The following ZNF638 variants were observed in gnomAD, a reference collection of about 807,000 sequenced individuals.
ZNF638 encodes zinc finger protein 638.
ZNF638 carries 46 observed loss-of-function variants against 195.6 expected under a neutral mutation model. The ratio of observed to expected loss-of-function variants is 0.24; its 90% CI spans 0.19 to 0.30. The LOEUF is 0.30. Ranked by LOEUF, ZNF638 falls within the 10% of genes least tolerant of loss-of-function variation. The pLI, the probability that ZNF638 is intolerant of heterozygous loss-of-function variation, is 1.00. For missense variants in ZNF638, 2,440 were observed against 2,325.3 expected (o/e 1.05, Z -1.01); for synonymous variants, 845 against 772.0 (o/e 1.09, Z -1.57).
intron 20 of ZNF638, among the ~76,000 whole-genome samples, chr2:71,409,539 G>T (rs1017445195): frequency 2.6e-5 from 4 of 152,138 alleles, no homozygotes; most frequent in Non-Finnish European, 5.9e-5. Flanking sequence ...CAATATGTGT[G>T]TCCATAACCT....
chr2:71,355,611 C>A, intron 2 of ZNF638, 108 bp from the exon 3 acceptor site: 4 of 804,454 alleles, frequency 5.0e-6, no homozygotes, highest in Non-Finnish European at 7.8e-6. Flanking sequence ...TTTATGAGTA[C>A]GTTTGTTTAA....
At chr2:71,389,420 C>G (rs971447938) in intron 10 of ZNF638, among the ~76,000 whole-genome samples, 1 of 152,154 alleles carries the variant, frequency 6.6e-6, no homozygotes, top group African/African-American at 2.4e-5. Context: ...GAAGCCATAG[C>G]AGACAACTTC....
chr2:71,408,827 T>TA, intron 20 of ZNF638: 1 of 338,816 alleles, frequency 3.0e-6, no homozygotes, highest in Non-Finnish European at 5.9e-6. Context: ...GTCAATCTGT[T>TA]AAAAATCTTG....
At chr2:71,367,011 G>A (rs2079212294) in intron 6 of ZNF638, among the ~76,000 whole-genome samples, 1 of 152,112 alleles carries the variant, frequency 6.6e-6, no homozygotes, top group Non-Finnish European at 1.5e-5. Flanking sequence ...GCTCTCAACA[G>A]TATTTAAATA....
Position 71,369,943 on chromosome 2 carries a change from A to G in ZNF638, c.2203A>G (p.Thr735Ala), listed in dbSNP as rs751190634. The G allele has an allele frequency of 9.4e-6, 15 of 1,600,540 alleles. 1 individual carries two copies. The highest frequency in any genetic ancestry group is 3.3e-4 in the Middle Eastern group (2 of 6,040). The change falls in exon 8 of 28, where the codon ACA (threonine) becomes GCA (alanine). Residue 735 changes from threonine to alanine, a missense_variant. Around this residue, in one of 5 missense-constraint regions of ZNF638, gnomAD observed 1,883 missense variants for 1,739.1 expected, o/e 1.08. Coordinates refer to ENST00000264447, the MANE Select transcript of ZNF638 (RefSeq NM_014497.5). ...TGCAATTATGAAGTACATTGAAACAACACCTCTTACGATAAAAGGAAAAAG... is the reference window on the plus strand; with the variant it reads ...TGCAATTATGAAGTACATTGAAACAGCACCTCTTACGATAAAAGGAAAAAG... ...ITAIMKYIETTPLTIKGKSVK... is the reference protein window; with the variant it reads ...ITAIMKYIETAPLTIKGKSVK...
At chr2:71,417,930 AC>A (rs906909921) in intron 20 of ZNF638, among the ~76,000 whole-genome samples, 3 of 152,200 alleles carry the variant, frequency 2.0e-5, no homozygotes, top group African/African-American at 7.2e-5. Context: ...GAAGACTTCT[AC>A]CCAGAGAGTG....
chr2:71,433,015 A>C, intron 26 of ZNF638, 150 bp from the exon 27 acceptor site: 1 of 671,050 alleles, frequency 1.5e-6, no homozygotes, highest in South Asian at 1.8e-5. Flanking sequence ...TGAACCCAGG[A>C]GGCAGAGGTT....
At chr2:71,368,284 T>C in intron 6 of ZNF638, 98 bp from the exon 7 acceptor site, 2 of 1,160,840 alleles carry the variant, frequency 1.7e-6, no homozygotes, top group South Asian at 1.7e-5. Context: ...CCCTTTAGTG[T>C]ACTAATATTA....
chr2:71,414,086 C>T (rs1168638895), intron 20 of ZNF638, among the ~76,000 whole-genome samples: 27 of 144,358 alleles, frequency 1.9e-4, no homozygotes, highest in African/African-American at 5.9e-4. Context: ...TGGTAGAATT[C>T]GGCTGTGAAT....
chr2:71,401,679 T>TAA (rs1230399601), intron 15 of ZNF638, among the ~76,000 whole-genome samples: 1 of 140,394 alleles, frequency 7.1e-6, no homozygotes, highest in Non-Finnish European at 1.6e-5. Flanking sequence ...AGAGCAAGAC[T>TAA]AAAAAAAAAA....
At chr2:71,396,940 C>CT (rs1333557345) in intron 11 of ZNF638, among the ~76,000 whole-genome samples, 1 of 152,146 alleles carries the variant, frequency 6.6e-6, no homozygotes, top group African/African-American at 2.4e-5. Context: ...GAGTGAGACT[C>CT]TGTCTCAAAT....
At chr2:71,409,102 C>G (rs1394210541) in intron 20 of ZNF638, among the ~76,000 whole-genome samples, 1 of 152,086 alleles carries the variant, frequency 6.6e-6, no homozygotes, top group Non-Finnish European at 1.5e-5. Flanking sequence ...AAATCCTTAT[C>G]CCAGAAATAT....
chr2:71,377,145 C>T (rs1401599449), intron 8 of ZNF638, among the ~76,000 whole-genome samples: 1 of 152,054 alleles, frequency 6.6e-6, no homozygotes. Context: ...TGGTGGCACG[C>T]ACCCAGCTGC....
chr2:71,332,966 C>G (rs111920191), intron 1 of ZNF638: 1 of 152,080 alleles, frequency 6.6e-6, no homozygotes, highest in Non-Finnish European at 1.5e-5. Flanking sequence ...AAATTTTCTG[C>G]TTTTTCCCCT....
intron 11 of ZNF638, among the ~76,000 whole-genome samples, chr2:71,397,892 T>C (rs1364581825): frequency 3.3e-5 from 5 of 152,304 alleles, no homozygotes; most frequent in African/African-American, 1.2e-4. Flanking sequence ...ACTGTACAGC[T>C]AGGAAACTGT....
At chr2:71,345,231 A>G (rs930822308) in intron 1 of ZNF638, among the ~76,000 whole-genome samples, 3 of 152,208 alleles carry the variant, frequency 2.0e-5, no homozygotes, top group South Asian at 4.1e-4. Context: ...AGTACCATCT[A>G]TGGTTTCAGG....
chr2:71,404,377 C>G (rs1363166682), intron 17 of ZNF638, among the ~76,000 whole-genome samples: 2 of 151,916 alleles, frequency 1.3e-5, no homozygotes, highest in African/African-American at 2.4e-5. Flanking sequence ...GAGCTTGTTC[C>G]CTCTTCCTCA....
At chr2:71,376,698 C>G (rs1245391925) in intron 8 of ZNF638, among the ~76,000 whole-genome samples, 3 of 103,132 alleles carry the variant, frequency 2.9e-5, no homozygotes, top group African/African-American at 1.1e-4. Context: ...TTCTATGAAT[C>G]TAAATATTAC....
intron 20 of ZNF638, among the ~76,000 whole-genome samples, chr2:71,411,542 G>T (rs1573143827): frequency 9.0e-6 from 1 of 111,356 alleles, no homozygotes; most frequent in Non-Finnish European, 1.8e-5. Flanking sequence ...AGTTACATAT[G>T]TATACATGTG....
Sources: gnomAD v4.1 joint callset for allele counts (sites outside exome capture counted in the v4.1 genomes callset) on GRCh38, gnomAD v4.1.1 for gene constraint, gnomAD v4.1.1 regional missense constraint, MANE v1.5 for transcripts, NCBI Gene and HGNC (gene_info 2026-07-23, HGNC 2026-07-21) for gene names.